PDCD1LG2: variants seen among roughly 807,000 people sequenced by gnomAD.
PDCD1LG2 encodes programmed cell death 1 ligand 2.
PDCD1LG2 carries 32 observed loss-of-function variants against 28.2 expected under a neutral mutation model. The ratio of observed to expected loss-of-function variants is 1.13; its 90% CI spans 0.86 to 1.52. PDCD1LG2 has a LOEUF of 1.52. Ranked by LOEUF, PDCD1LG2 falls within the 40% of genes most tolerant of loss-of-function variation. PDCD1LG2 has a pLI of 0.00. For synonymous variants in PDCD1LG2, 116 were observed against 120.2 expected, an observed-to-expected ratio of 0.97 and a Z score of 0.23; for missense variants, 385 against 323.8, an observed-to-expected ratio of 1.19 and a Z score of -1.45.
chr9:5,565,935 A>G (rs1404858078), intron 6 of PDCD1LG2, among the ~76,000 whole-genome samples: 1 of 152,216 alleles, frequency 6.6e-6, no homozygotes, highest in African/African-American at 2.4e-5. Context: ...ATAAAAAAGT[A>G]TAAAGAAAAC....
intron 4 of PDCD1LG2, 81 bp from the exon 5 acceptor site, chr9:5,557,537 G>A (rs2129919218): frequency 2.0e-6 from 3 of 1,513,028 alleles, no homozygotes; most frequent in South Asian, 2.3e-5. Context: ...CGTGTTGGCT[G>A]TCACCCACTC....
At chr9:5,538,250 T>A (rs917368840) in intron 3 of PDCD1LG2, among the ~76,000 whole-genome samples, 2 of 152,196 alleles carry the variant, frequency 1.3e-5, no homozygotes, top group Non-Finnish European at 2.9e-5. Flanking sequence ...TTCCCCTTTT[T>A]TAACACAGGA....
chr9:5,539,822 A>T (rs1820654442), intron 3 of PDCD1LG2, among the ~76,000 whole-genome samples: 1 of 152,240 alleles, frequency 6.6e-6, no homozygotes, highest in African/African-American at 2.4e-5. Context: ...AACACCAGGA[A>T]TGGGCTGAAG....
intron 5 of PDCD1LG2, among the ~76,000 whole-genome samples, chr9:5,559,370 T>C (rs1428604988): frequency 6.6e-6 from 1 of 152,238 alleles, no homozygotes; most frequent in East Asian, 1.9e-4. Flanking sequence ...CTCACTTGCA[T>C]TCAGATCTGC....
At chr9:5,531,881 C>A (rs1287282590) in intron 2 of PDCD1LG2, among the ~76,000 whole-genome samples, 1 of 152,170 alleles carries the variant, frequency 6.6e-6, no homozygotes, top group Non-Finnish European at 1.5e-5. Flanking sequence ...GTAGGTAATT[C>A]TTGAACTTGG....
intron 1 of PDCD1LG2, among the ~76,000 whole-genome samples, chr9:5,520,386 C>G (rs1820250440): frequency 6.6e-6 from 1 of 152,162 alleles, no homozygotes; most frequent in Admixed American, 6.5e-5. Context: ...TGAATGCCCA[C>G]AATCAGTAGA....
chr9:5,562,945 A>G (rs1025690611), intron 5 of PDCD1LG2, among the ~76,000 whole-genome samples: 8 of 152,206 alleles, frequency 5.3e-5, no homozygotes, highest in African/African-American at 1.9e-4. Context: ...GAGTAGACAG[A>G]GGAATGGAAA....
At chr9:5,557,017 G>GTGAC (rs1187633717) in intron 4 of PDCD1LG2, among the ~76,000 whole-genome samples, 1 of 152,216 alleles carries the variant, frequency 6.6e-6, no homozygotes, top group Non-Finnish European at 1.5e-5. Flanking sequence ...TAAGGCATGA[G>GTGAC]TGACTAGGTT....
intron 3 of PDCD1LG2, among the ~76,000 whole-genome samples, chr9:5,547,556 T>C (rs1563830006): frequency 6.6e-6 from 1 of 151,106 alleles, no homozygotes; most frequent in African/African-American, 2.4e-5. Context: ...TAATGTTTTA[T>C]TTTAATTTTA....
chr9:5,535,363 G>T (rs571017402), intron 3 of PDCD1LG2, among the ~76,000 whole-genome samples: 1 of 152,112 alleles, frequency 6.6e-6, no homozygotes, highest in Non-Finnish European at 1.5e-5. Flanking sequence ...TTCTCCCATG[G>T]AACATCCCTG....
At position 5,550,763 on chromosome 9, in the gene PDCD1LG2, G is replaced by A. The variant is rs190996007; in HGVS notation, c.631+1159G>A. On this transcript the variant is annotated intron_variant, in intron 4 of 6. Coordinates refer to ENST00000397747, the MANE Select transcript of PDCD1LG2 (RefSeq NM_025239.4). ...GGCTGGAATGCAGTGGCACGATCCC[G>A]GCTCACTGCAACCCCTGCCTCCCGG... 7.3e-5 allele frequency among the ~76,000 whole-genome samples: 11 copies of A among 151,640 alleles called. No homozygotes were observed. In the East Asian group the frequency reaches 2.1e-3, roughly 29 times the overall value.
intron 2 of PDCD1LG2, among the ~76,000 whole-genome samples, chr9:5,532,549 T>C (rs1820502962): frequency 6.6e-6 from 1 of 152,212 alleles, no homozygotes; most frequent in Non-Finnish European, 1.5e-5. Flanking sequence ...ACTTGCTATG[T>C]GCTAGGTACT....
At chr9:5,565,368 G>T (rs1279386979) in intron 6 of PDCD1LG2, among the ~76,000 whole-genome samples, 4 of 152,070 alleles carry the variant, frequency 2.6e-5, no homozygotes, top group African/African-American at 9.7e-5. Flanking sequence ...ATTTTTTGTA[G>T]AACTGGGGTC....
intron 4 of PDCD1LG2, among the ~76,000 whole-genome samples, chr9:5,554,171 A>C (rs1037755602): frequency 6.6e-6 from 1 of 152,196 alleles, no homozygotes; most frequent in Non-Finnish European, 1.5e-5. Flanking sequence ...TGTTCACACA[A>C]GTCTTCTTTA....
chr9:5,521,281 C>G (rs1023449730), intron 1 of PDCD1LG2, among the ~76,000 whole-genome samples: 6 of 152,034 alleles, frequency 3.9e-5, no homozygotes, highest in Admixed American at 3.9e-4. Context: ...TGAAAATGTT[C>G]TAAAATTGGA....
chr9:5,536,532 G>A (rs189265780), intron 3 of PDCD1LG2, among the ~76,000 whole-genome samples: 1 of 152,306 alleles, frequency 6.6e-6, no homozygotes, highest in Non-Finnish European at 1.5e-5. Context: ...TACATTCTCA[G>A]GATGCCTTGA....
intron 1 of PDCD1LG2, among the ~76,000 whole-genome samples, chr9:5,515,922 C>CAAA (rs1204038026): frequency 0.014 from 428 of 30,286 alleles, 50 homozygotes; most frequent in South Asian, 0.029. Context: ...GACTCCATCT[C>CAAA]AAAAAAAAAA....
Position 5,534,890 on chromosome 9 carries a change from C to T in PDCD1LG2, c.201C>T (p.Ser67=), listed in dbSNP as rs749572660. ...ASLQKVENDT[S]PHRERATLLE... is the part of the protein sequence containing the mutation. ...TGCAAAAGGTGGAAAATGATACATC[C>T]CCACACCGTGAAAGAGCCACTTTGC... Residue 67 remains serine (S), a synonymous_variant, in exon 3 of 7, where the codon TCC becomes TCT. Transcript: ENST00000397747. The T allele has an allele frequency of 6.2e-7, 1 of 1,614,032 alleles. No individual in the cohort carries two copies. Among genetic ancestry groups the T allele is most frequent in the African/African-American group, 1.3e-5 (1 of 74,902 alleles).
rs568927232 is a variant in PDCD1LG2 at position 5,566,898 on chromosome 9, A to G, written c.817-3056A>G. 1.2e-4 allele frequency among the ~76,000 whole-genome samples: 18 copies of G among 152,366 alleles called. No homozygotes were observed. In the East Asian group the frequency reaches 3.5e-3, roughly 29 times the overall value. On this transcript the variant is annotated intron_variant, in intron 6 of 6. Coordinates refer to ENST00000397747, the MANE Select transcript of PDCD1LG2 (RefSeq NM_025239.4). ...ATGTCCTATTAAAAATGTTATTTATAGACTCACCATATTCCCTTCCTCCAG... is the reference window on the plus strand; with the variant it reads ...ATGTCCTATTAAAAATGTTATTTATGGACTCACCATATTCCCTTCCTCCAG...
Sources: allele counts gnomAD v4.1 joint callset (sites outside exome capture counted in the v4.1 genomes callset), GRCh38; gene constraint gnomAD v4.1.1; transcripts MANE v1.5; gene names NCBI Gene and HGNC (gene_info 2026-07-23, HGNC 2026-07-21).